Variants in KCNJ15 observed in about 807,000 individuals in gnomAD.
KCNJ15 encodes the protein potassium inwardly rectifying channel subfamily J member 15, also known as ATP-sensitive inward rectifier potassium channel 15.
Under a neutral mutation model 23.0 loss-of-function variants are expected in KCNJ15, and 14 were observed. That is an observed-to-expected ratio of 0.61 (90% CI 0.40 to 0.95). The LOEUF is 0.95. Among genes scored for constraint, KCNJ15 ranks in the 40% least tolerant of loss-of-function variants. KCNJ15 has a pLI of 0.00. For synonymous variants in KCNJ15, 185 were observed against 183.2 expected, an observed-to-expected ratio of 1.01 and a Z score of -0.08; for missense variants, 388 against 461.8, an observed-to-expected ratio of 0.84 and a Z score of 1.46.
chr21:38,296,834 A>C (rs1024535090), intron 1 of KCNJ15, 92 bp from the exon 2 acceptor site: 24 of 152,712 alleles, frequency 1.6e-4, no homozygotes, highest in Admixed American at 1.6e-3. Context: ...GGTAAATGCC[A>C]CTGCGTAACT....
intron 1 of KCNJ15, chr21:38,285,623 AG>A (rs1243385638): frequency 1.3e-5 from 2 of 152,238 alleles, no homozygotes; most frequent in Non-Finnish European, 1.5e-5. Context: ...GAGAAAATGA[AG>A]AACCTTCAGG....
chr21:38,277,955 A>G (rs1982903023), intron 1 of KCNJ15, among the ~76,000 whole-genome samples: 3 of 152,218 alleles, frequency 2.0e-5, no homozygotes, highest in African/African-American at 4.8e-5. Context: ...CTTAGGGTAC[A>G]AAGGTGGACA....
intron 1 of KCNJ15, among the ~76,000 whole-genome samples, chr21:38,235,621 G>T (rs1020572568): frequency 6.6e-6 from 1 of 152,102 alleles, no homozygotes; most frequent in Non-Finnish European, 1.5e-5. Context: ...TGAAAATCAA[G>T]TGTAGATACC....
At chr21:38,238,062 T>C in intron 1 of KCNJ15, 1 of 309,676 alleles carries the variant, frequency 3.2e-6, no homozygotes, top group Non-Finnish European at 6.4e-6. Flanking sequence ...GTTAAGTTTA[T>C]TCTAGGGTGA....
At chr21:38,278,328 A>G (rs959297581) in intron 1 of KCNJ15, among the ~76,000 whole-genome samples, 24 of 152,184 alleles carry the variant, frequency 1.6e-4, no homozygotes, top group African/African-American at 3.4e-4. Context: ...TCAGACTACA[A>G]TCTTAAACAT....
chr21:38,231,567 G>C (rs1465945414), intron 1 of KCNJ15, among the ~76,000 whole-genome samples: 1 of 151,876 alleles, frequency 6.6e-6, no homozygotes, highest in Non-Finnish European at 1.5e-5. Flanking sequence ...TATGATATGA[G>C]CTGAGATTTT....
intron 1 of KCNJ15, among the ~76,000 whole-genome samples, chr21:38,239,573 T>C (rs1978852401): frequency 5.3e-5 from 8 of 152,202 alleles, no homozygotes; most frequent in Admixed American, 5.2e-4. Context: ...ACCACATTTT[T>C]GGTACCCTAG....
upstream of KCNJ15, among the ~76,000 whole-genome samples, chr21:38,252,715 G>A (rs1341790194): frequency 6.6e-6 from 1 of 152,142 alleles, no homozygotes; most frequent in Non-Finnish European, 1.5e-5. Flanking sequence ...AATATTGAGG[G>A]ATTGAGGAGC....
intron 1 of KCNJ15, among the ~76,000 whole-genome samples, chr21:38,276,425 T>C (rs548152024): frequency 6.6e-6 from 1 of 152,210 alleles, no homozygotes; most frequent in South Asian, 2.1e-4. Flanking sequence ...CTAAATTATG[T>C]GTGTTTTACA....
At chr21:38,243,695 T>G (rs1268084726) in intron 1 of KCNJ15, among the ~76,000 whole-genome samples, 1 of 152,248 alleles carries the variant, frequency 6.6e-6, no homozygotes, top group Admixed American at 6.5e-5. Context: ...GTGCTGGGAT[T>G]ATAGGCGTGA....
chr21:38,286,110 G>A (rs989349924), intron 1 of KCNJ15, among the ~76,000 whole-genome samples: 6 of 152,158 alleles, frequency 3.9e-5, no homozygotes, highest in Admixed American at 3.3e-4. Context: ...GGGCGTGGTG[G>A]CGGGTGCCTG....
At position 38,302,789 on chromosome 21, in the gene KCNJ15, A is replaced by C. The variant is rs578216314; in HGVS notation, c.*2400A>C. The C allele has an allele frequency of 1.3e-5, 2 of 152,340 alleles. No individual in the cohort carries two copies. The highest frequency in any genetic ancestry group is 4.1e-4 in the South Asian group (2 of 4,830). The allele number at this position is 152,340 out of a possible 1,614,324, so 9.4% of individuals were successfully genotyped here. ...AGGACGTAGCATAAGATCCAAAAAA[A>C]ATTTTGTATTGTCATTTAGCATATC... On this transcript the variant is annotated 3_prime_UTR_variant, in exon 3 of 3. Coordinates refer to ENST00000398938, the MANE Select transcript of KCNJ15 (RefSeq NM_170736.3).
intron 1 of KCNJ15, among the ~76,000 whole-genome samples, chr21:38,275,148 G>T (rs1029866930): frequency 1.3e-5 from 2 of 152,010 alleles, no homozygotes; most frequent in South Asian, 2.1e-4. Flanking sequence ...ATTTTACCTG[G>T]TGGCAAACCA....
In KCNJ15 at chr21:38,299,782, G is replaced by T; in HGVS notation, c.521G>T (p.Arg174Leu). The change falls in exon 3 of 3, where the codon CGG (arginine) becomes CTG (leucine). Residue 174 changes from arginine (R) to leucine (L), a missense_variant. Physicochemically the swap from Arg to Leu is moderately radical, Grantham distance 102 (BLOSUM62 -2). Transcript: ENST00000398938. This position sits in a 1 kb window ranked among gnomAD's most constrained non-coding sequence, Gnocchi z 4.5. ...GCCAAAATCGCCAGACCCAAAAAGC[G>T]GGCTGAGACCATCAAGTTCAGCCAC... ...FLAKIARPKKRAETIKFSHCA... is the reference protein window; with the variant it reads ...FLAKIARPKKLAETIKFSHCA... 1.9e-6 allele frequency: 3 copies of T among 1,614,062 alleles called. No individual in the cohort carries two copies. Among genetic ancestry groups the T allele is most frequent in the Non-Finnish European group, 2.5e-6 (3 of 1,180,022 alleles).
intron 1 of KCNJ15, among the ~76,000 whole-genome samples, chr21:38,273,996 C>T (rs1323049298): frequency 6.6e-6 from 1 of 152,194 alleles, no homozygotes; most frequent in Admixed American, 6.5e-5. Flanking sequence ...CGTGCTGTGA[C>T]CTTGAGCATT....
At chr21:38,243,588 A>G (rs959568856) in intron 1 of KCNJ15, among the ~76,000 whole-genome samples, 7 of 152,064 alleles carry the variant, frequency 4.6e-5, no homozygotes, top group Non-Finnish European at 7.4e-5. Flanking sequence ...TGCCCTGCTA[A>G]TTTTTGTATT....
At chr21:38,283,156 A>G (rs1469676805) in intron 1 of KCNJ15, among the ~76,000 whole-genome samples, 2 of 151,808 alleles carry the variant, frequency 1.3e-5, no homozygotes, top group Non-Finnish European at 2.9e-5. Flanking sequence ...CTCTGAGAGT[A>G]AATGATTTCA....
intron 1 of KCNJ15, among the ~76,000 whole-genome samples, chr21:38,259,390 C>G (rs1980644230): frequency 6.6e-6 from 1 of 152,148 alleles, no homozygotes; most frequent in South Asian, 2.1e-4. Flanking sequence ...GGCATATACA[C>G]CTCCCTAATC....
chr21:38,290,206 A>T (rs1984438999), intron 1 of KCNJ15, among the ~76,000 whole-genome samples: 1 of 152,250 alleles, frequency 6.6e-6, no homozygotes, highest in Admixed American at 6.5e-5. Flanking sequence ...ATGGCAAATG[A>T]GTCCCCTGTT....
Sources: allele counts gnomAD v4.1 joint callset (sites outside exome capture counted in the v4.1 genomes callset), GRCh38; gene constraint gnomAD v4.1.1; non-coding constraint Gnocchi (gnomAD v3.1); transcripts MANE v1.5; gene names NCBI Gene and HGNC (gene_info 2026-07-23, HGNC 2026-07-21).